Variants in PSMF1 observed in about 807,000 individuals in gnomAD.
The protein encoded by PSMF1 is proteasome inhibitor PI31 subunit.
A neutral mutation model predicts 29.3 loss-of-function variants in PSMF1; 30 were observed. The observed-to-expected ratio is 1.02, with a 90% CI of 0.77 to 1.39. The LOEUF is 1.39. PSMF1 is among the 40% of genes most tolerant of loss of function. PSMF1 has a pLI of 0.00. For missense variants in PSMF1, 344 were observed against 357.5 expected (o/e 0.96, Z 0.31); for synonymous variants, 134 against 139.7 (o/e 0.96, Z 0.29).
chr20:1,141,595 A>C (rs1299573855), intron 4 of PSMF1, among the ~76,000 whole-genome samples: 1 of 152,118 alleles, frequency 6.6e-6, no homozygotes, highest in Non-Finnish European at 1.5e-5. Context: ...TTAGCTACTG[A>C]ATGCCTTCCC....
chr20:1,164,146 T>C lies in PSMF1; in HGVS notation c.606-172T>C, dbSNP rs2086699548. Among the ~76,000 whole-genome samples the C allele has an allele frequency of 1.3e-5, 2 of 152,170 alleles. No individual in the cohort carries two copies. Among genetic ancestry groups the C allele is most frequent in the African/African-American group, 4.8e-5 (2 of 41,438 alleles). ...AGGTATGCTCTTCGTATAGGCTTTGTGTTCTTGCCCTTGCCCACTTTCCGC... is the reference window on the plus strand; with the variant it reads ...AGGTATGCTCTTCGTATAGGCTTTGCGTTCTTGCCCTTGCCCACTTTCCGC... On this transcript the variant is annotated intron_variant, in intron 5 of 6. Coordinates refer to ENST00000335877, the MANE Select transcript of PSMF1 (RefSeq NM_006814.5). This position sits in a 1 kb window ranked among gnomAD's most constrained non-coding sequence, Gnocchi z 4.1.
At chr20:1,158,026 T>C (rs1329372085) in intron 4 of PSMF1, among the ~76,000 whole-genome samples, 2 of 152,158 alleles carry the variant, frequency 1.3e-5, no homozygotes, top group Non-Finnish European at 2.9e-5. Flanking sequence ...TCTCAGCCTG[T>C]TGACTTAAAG....
In PSMF1 at chr20:1,166,092, A is replaced by G. The variant is rs2086726105; in HGVS notation, c.*1012A>G. 6.6e-7 allele frequency: 1 copy of G among 1,525,622 alleles called. No individual in the cohort carries two copies. Among genetic ancestry groups the G allele is most frequent in the Middle Eastern group, 2.0e-4 (1 of 5,040 alleles). 94.5% of individuals were successfully genotyped at this position (1,525,622 alleles called of 1,614,324 possible). ...TCTTGCCTAACTCTGTGGTTTTTGG[A>G]CCCCATGGGGCCCAGACAGAGCACA... On this transcript the variant is annotated 3_prime_UTR_variant, in exon 7 of 7. Transcript: ENST00000335877.
chr20:1,159,666 C>T (rs186605927), intron 4 of PSMF1, among the ~76,000 whole-genome samples: 3 of 152,356 alleles, frequency 2.0e-5, no homozygotes, highest in East Asian at 3.9e-4. Context: ...TTACTGCCCT[C>T]TGGCACCACC....
At chr20:1,120,601 GC>G (rs1443769014) in intron 1 of PSMF1, among the ~76,000 whole-genome samples, 1 of 152,142 alleles carries the variant, frequency 6.6e-6, no homozygotes, top group African/African-American at 2.4e-5. Flanking sequence ...CTCTTCACTT[GC>G]CCCAGTCATT....
At chr20:1,113,716 G>A (rs749429586), upstream of PSMF1, among the ~76,000 whole-genome samples, 6 of 151,324 alleles carry the variant, frequency 4.0e-5, no homozygotes, top group Admixed American at 2.0e-4. Context: ...TTTTTGAGAC[G>A]GCGTCTCGCT....
chr20:1,159,811 A>C (rs2086644098), intron 4 of PSMF1, among the ~76,000 whole-genome samples: 1 of 152,164 alleles, frequency 6.6e-6, no homozygotes, highest in Non-Finnish European at 1.5e-5. Context: ...TTGTCCATTT[A>C]AATCACAGTA....
chr20:1,159,563 A>G (rs1313161217), intron 4 of PSMF1, among the ~76,000 whole-genome samples: 1 of 152,210 alleles, frequency 6.6e-6, no homozygotes, highest in Non-Finnish European at 1.5e-5. Flanking sequence ...ATTTCAGAGC[A>G]ATCTTTATTC....
chr20:1,157,648 C>G (rs2086610910), intron 4 of PSMF1, among the ~76,000 whole-genome samples: 1 of 152,168 alleles, frequency 6.6e-6, no homozygotes, highest in Non-Finnish European at 1.5e-5. Flanking sequence ...ATGACAATTA[C>G]AGTCCTCGTT....
intron 4 of PSMF1, among the ~76,000 whole-genome samples, chr20:1,137,778 A>T (rs1298382250): frequency 2.0e-5 from 3 of 152,240 alleles, no homozygotes; most frequent in Non-Finnish European, 4.4e-5. Context: ...AGATAGCATT[A>T]TGAATTACTG....
chr20:1,133,569 A>ATATATATATATATATATATTTTTTTTTT lies in PSMF1; in HGVS notation c.366-1551_366-1550insATATATATATATATATATTTTTTTTTTT. On this transcript the variant is annotated intron_variant, in intron 3 of 6. Transcript: ENST00000335877. ...TCTATATATGTGTATATATATATAT[A>ATATATATATATATATATATTTTTTTTTT]TTTTTTTTTTTTTTTTGGTGTAGTC... 1.6e-3 allele frequency among the ~76,000 whole-genome samples: 83 copies of ATATATATATATATATATATTTTTTTTTT among 53,194 alleles called. 1 individual carries two copies. The highest frequency in any genetic ancestry group is 3.4e-3 in the South Asian group (5 of 1,468). The allele number at this position is 53,194 out of a possible 152,430, so 34.9% of individuals were successfully genotyped here.
chr20:1,168,475 C>T lies in PSMF1; in HGVS notation c.*3395C>T, dbSNP rs1299328882. 2 of 152,246 alleles carry T rather than the reference C, an allele frequency of 1.3e-5. No homozygotes were observed. The highest frequency in any genetic ancestry group is 1.9e-4 in the East Asian group (1 of 5,198). 9.4% of individuals were successfully genotyped at this position (152,246 alleles called of 1,614,324 possible). On this transcript the variant is annotated 3_prime_UTR_variant, in exon 7 of 7. Coordinates refer to ENST00000335877, the MANE Select transcript of PSMF1 (RefSeq NM_006814.5). The stretch of plus-strand genomic sequence containing the variant: ...TCCTCTTCCTTGGCTTGTCTCTTCC[C>T]CAATTCTTAGAGTTAGCAGTGTTTC...
At position 1,165,727 on chromosome 20, in the gene PSMF1, G is replaced by A. The variant is rs1156376226; in HGVS notation, c.*647G>A. ...TGACTTTCACAAGGGCAGGAACATT[G>A]TGGAAAGACTGCATCATTCTGATGA... On this transcript the variant is annotated 3_prime_UTR_variant, in exon 7 of 7. Coordinates refer to ENST00000335877, the MANE Select transcript of PSMF1 (RefSeq NM_006814.5). 2 of 1,007,598 alleles carry A rather than the reference G, an allele frequency of 2.0e-6. No individual in the cohort carries two copies. The highest frequency in any genetic ancestry group is 3.4e-5 in the African/African-American group (2 of 57,992). The allele number at this position is 1,007,598 out of a possible 1,614,324, so 62.4% of individuals were successfully genotyped here. A position where few individuals can be genotyped will look rare whatever the true frequency, so the allele number is the denominator to read the frequency against.
chr20:1,149,759 G>T (rs926264318), intron 4 of PSMF1, among the ~76,000 whole-genome samples: 2 of 152,180 alleles, frequency 1.3e-5, no homozygotes, highest in Admixed American at 1.3e-4. Context: ...TGCAAGGCCA[G>T]GTGTGGTGGC....
At chr20:1,133,569 A>ATATATATATATATATATATATATATTTTT in intron 3 of PSMF1, among the ~76,000 whole-genome samples, 1 of 53,286 alleles carries the variant, frequency 1.9e-5, no homozygotes, top group Admixed American at 2.0e-4. Flanking sequence ...ATATATATAT[A>ATATATATATATATATATATATATATTTTT]TTTTTTTTTT....
In PSMF1 at chr20:1,169,463, A is replaced by G. The variant is rs1361024834; in HGVS notation, c.*4383A>G. Among the ~76,000 whole-genome samples the G allele has an allele frequency of 6.6e-6, 1 of 152,246 alleles. No homozygotes were observed. Among genetic ancestry groups the G allele is most frequent in the East Asian group, 1.9e-4 (1 of 5,194 alleles). ...ATGCCCATTTGAACAGCTGCGTTCC[A>G]GATGAGCCACCTAAGGTGGATGTTG... On this transcript the variant is annotated 3_prime_UTR_variant, in exon 7 of 7. Transcript: ENST00000335877.
At position 1,171,945 on chromosome 20, in the gene PSMF1, CCCAGGGGCCCTTGGCCATGGT is replaced by C. The variant is rs1415719163; in HGVS notation, c.*6866_*6886del. Among the ~76,000 whole-genome samples, 1 of 152,224 alleles carries C rather than the reference CCCAGGGGCCCTTGGCCATGGT, an allele frequency of 6.6e-6. No homozygotes were observed. Among genetic ancestry groups the C allele is most frequent in the Non-Finnish European group, 1.5e-5 (1 of 68,038 alleles). ...GAGAAGCATGTGAAGAGAGGGATGG[CCCAGGGGCCCTTGGCCATGGT>C]GGCCTTGGACAAGTTTGGCTTTCCC... On this transcript the variant is annotated 3_prime_UTR_variant, in exon 7 of 7. Coordinates refer to ENST00000335877, the MANE Select transcript of PSMF1 (RefSeq NM_006814.5).
chr20:1,148,367 A>G (rs1406259074), intron 4 of PSMF1, among the ~76,000 whole-genome samples: 6 of 152,140 alleles, frequency 3.9e-5, no homozygotes, highest in Non-Finnish European at 5.9e-5. Flanking sequence ...AGTCTAACCT[A>G]TTTCCTTTTG....
rs2086044759 is a variant in PSMF1 at position 1,118,866 on chromosome 20, GAC to G, written c.98_99del (p.His33ArgfsTer9). ...TCTGCTTCTTGCATTGGGAAGTGGT[GAC>G]ACACGGTTACTTCGGCTTGGGTGTC... Reference protein sequence around the residue: ...LVCFLHWEVVTHGYFGLGVGD... With the variant: ...LVCFLHWEVVXHGYFGLGVGD... On this transcript the variant is annotated frameshift_variant, in exon 1 of 7. Transcript: ENST00000335877. LOFTEE classifies it high-confidence loss of function. 1.9e-6 allele frequency: 3 copies of G among 1,614,140 alleles called. No homozygotes were observed. The highest frequency in any genetic ancestry group is 2.2e-5 in the South Asian group (2 of 91,078).
Sources: gnomAD v4.1 joint callset for allele counts (sites outside exome capture counted in the v4.1 genomes callset) on GRCh38, gnomAD v4.1.1 for gene constraint, Gnocchi (gnomAD v3.1) non-coding constraint, MANE v1.5 for transcripts, NCBI Gene and HGNC (gene_info 2026-07-23, HGNC 2026-07-21) for gene names.